The following PRKAG2 variants were observed in gnomAD, a reference collection of about 807,000 sequenced individuals.
The protein encoded by PRKAG2 is protein kinase AMP-activated non-catalytic subunit gamma 2.
PRKAG2 carries 26 observed loss-of-function variants against 69.6 expected under a neutral mutation model. The observed-to-expected ratio is 0.37, with a 90% CI of 0.27 to 0.52. PRKAG2 has a LOEUF of 0.52. Among genes scored for constraint, PRKAG2 ranks in the 20% least tolerant of loss-of-function variants. The pLI, the probability that PRKAG2 is intolerant of heterozygous loss-of-function variation, is 0.90. For synonymous variants in PRKAG2, 293 were observed against 285.0 expected (o/e 1.03, Z -0.28); for missense variants, 557 against 740.0 (o/e 0.75, Z 2.87).
rs10577353 is a variant in PRKAG2 at position 151,874,522 on chromosome 7, TATG to T, written c.114+1982_114+1984del. On this transcript the variant is annotated intron_variant, in intron 1 of 15. Transcript: ENST00000287878. The stretch of plus-strand genomic sequence containing the variant: ...TGTATATGATGTATATGTATATGTA[TATG>T]ATGTATATGTATATGTATATGTATA... 1.9e-3 allele frequency among the ~76,000 whole-genome samples: 167 copies of T among 86,068 alleles called. 16 individuals carry two copies. The highest frequency in any genetic ancestry group is 4.9e-3 in the African/African-American group (88 of 17,952). 56.5% of individuals were successfully genotyped at this position (86,068 alleles called of 152,430 possible). A position where few individuals can be genotyped will look rare whatever the true frequency, so the allele number is the denominator to read the frequency against.
chr7:151,875,315 GCACGTGTGGGCCGGAGTTTA>G (rs2080360427), intron 1 of PRKAG2, among the ~76,000 whole-genome samples: 1 of 152,178 alleles, frequency 6.6e-6, no homozygotes, highest in South Asian at 2.1e-4. Flanking sequence ...CAAGCGTTAG[GCACGTGTGGGCCGGAGTTTA>G]CACAGGAGGA....
chr7:151,689,835 C>T (rs552028931), intron 3 of PRKAG2, among the ~76,000 whole-genome samples: 7 of 152,276 alleles, frequency 4.6e-5, no homozygotes, highest in East Asian at 1.9e-4. Flanking sequence ...TCCAGACTGC[C>T]GCCTCTGCCC....
In PRKAG2 at chr7:151,669,880, A is replaced by ACCT. The variant is rs1563385310; in HGVS notation, c.684+5539_684+5540insAGG. On this transcript the variant is annotated intron_variant, in intron 4 of 15. Transcript: ENST00000287878. ...TGCATGCATACATACTTGCACACAC[A>ACCT]GTTGCATGCACACACACCTGCATGC... Among the ~76,000 whole-genome samples, 623 of 151,148 alleles carry ACCT rather than the reference A, an allele frequency of 4.1e-3. 4 individuals are homozygous for ACCT. The highest frequency in any genetic ancestry group is 0.017 in the Middle Eastern group (5 of 290).
intron 3 of PRKAG2, among the ~76,000 whole-genome samples, chr7:151,744,798 G>A (rs898186356): frequency 5.9e-5 from 9 of 152,110 alleles, no homozygotes; most frequent in African/African-American, 1.4e-4. Flanking sequence ...CAGCCCGGCC[G>A]ACCGAGAGAT....
intron 3 of PRKAG2, among the ~76,000 whole-genome samples, chr7:151,745,765 A>G (rs965601896): frequency 6.6e-6 from 1 of 152,334 alleles, no homozygotes; most frequent in African/African-American, 2.4e-5. Flanking sequence ...GCAGCACCCA[A>G]AGAGTAAGAA....
At chr7:151,785,487 T>C (rs12669420) in intron 2 of PRKAG2, among the ~76,000 whole-genome samples, 135,681 of 152,282 alleles carry the variant, frequency 0.89, 60,672 homozygotes, top group East Asian at 1. Flanking sequence ...CAGGGCAGGG[T>C]GGGGAGGGCA....
intron 3 of PRKAG2, chr7:151,736,315 G>A (rs11767633): frequency 0.4 from 465,400 of 1,149,422 alleles, 96,853 homozygotes; most frequent in Non-Finnish European, 0.42. Flanking sequence ...TGCCGGAAGC[G>A]CAAACAGAAC....
chr7:151,578,773 C>G lies in PRKAG2; in HGVS notation c.865-2321G>C, dbSNP rs535191816. Among the ~76,000 whole-genome samples, 5 of 152,232 alleles carry G rather than the reference C, an allele frequency of 3.3e-5. No homozygotes were observed. The South Asian group carries it at 6.2e-4, about 19-fold the overall frequency. ...GAAACACACCTTTATCAAAAAGGCA[C>G]CAAAATACACTGCTTTTGTAACTAA... is the stretch of plus-strand genomic sequence containing the variant. On this transcript the variant is annotated intron_variant, in intron 6 of 15. Transcript: ENST00000287878.
intron 5 of PRKAG2, among the ~76,000 whole-genome samples, chr7:151,619,736 G>A (rs61227882): frequency 0.049 from 7,509 of 152,158 alleles, 608 homozygotes; most frequent in African/African-American, 0.17. Context: ...TCAGAAAACC[G>A]GCTAGACGCG....
At chr7:151,631,705 G>A (rs1342366573) in intron 5 of PRKAG2, 3 of 460,348 alleles carry the variant, frequency 6.5e-6, no homozygotes, top group Non-Finnish European at 1.3e-5. Flanking sequence ...CTGTGGGTAT[G>A]ATTCGGGGTT....
chr7:151,698,925 C>G lies in PRKAG2; in HGVS notation c.467-23288G>C, dbSNP rs186290555. On this transcript the variant is annotated intron_variant, in intron 3 of 15. Coordinates refer to ENST00000287878, the MANE Select transcript of PRKAG2 (RefSeq NM_016203.4). ...GGCTCTTTGGACCACTCCAAGCCAC[C>G]CTGAGATGCCACGTGGAACCCTAGG... Among the ~76,000 whole-genome samples the G allele has an allele frequency of 1.6e-3, 248 of 152,268 alleles. 1 individual carries two copies. Among genetic ancestry groups the G allele is most frequent in the African/African-American group, 5.6e-3 (234 of 41,534 alleles).
At chr7:151,708,042 C>T (rs896621178) in intron 3 of PRKAG2, among the ~76,000 whole-genome samples, 3 of 152,308 alleles carry the variant, frequency 2.0e-5, no homozygotes, top group Admixed American at 6.5e-5. Flanking sequence ...TGTGAACTGG[C>T]CCCCGCTGTC....
intron 3 of PRKAG2, among the ~76,000 whole-genome samples, chr7:151,772,643 G>A (rs1180536252): frequency 1.3e-5 from 2 of 152,132 alleles, no homozygotes; most frequent in African/African-American, 2.4e-5. Context: ...ATGTTTTGGA[G>A]GTACATTACT....
chr7:151,632,023 C>T lies in PRKAG2; in HGVS notation c.754+46G>A, dbSNP rs1350773399. 2 of 1,260,362 alleles carry T rather than the reference C, an allele frequency of 1.6e-6. No individual in the cohort carries two copies. Among genetic ancestry groups the T allele is most frequent in the South Asian group, 2.3e-5 (1 of 43,994 alleles). The allele number at this position is 1,260,362 out of a possible 1,614,324, so 78.1% of individuals were successfully genotyped here. A position where few individuals can be genotyped will look rare whatever the true frequency, so the allele number is the denominator to read the frequency against. On this transcript the variant is annotated intron_variant, in intron 5 of 15. Coordinates refer to ENST00000287878, the MANE Select transcript of PRKAG2 (RefSeq NM_016203.4). The surrounding 1 kb of genome is among the most constrained non-coding windows in gnomAD (Gnocchi z 4.2). ...CCCGCGGGTCCCGGTCCTCGGGCGG[C>T]CGGGCCGTGGGAGCGCCGGGCCGGC... is the stretch of plus-strand genomic sequence containing the variant.
rs955374875 is a variant in PRKAG2 at position 151,699,930 on chromosome 7, G to A, written c.467-24293C>T. On this transcript the variant is annotated intron_variant, in intron 3 of 15. Transcript: ENST00000287878. The surrounding 1 kb of genome is among the most constrained non-coding windows in gnomAD (Gnocchi z 4.5). ...GGGGCAGTGCTCTGCTGCCACAGGC[G>A]GCCGCAGATGGGTGCCCCCACATTG... Among the ~76,000 whole-genome samples, 47 of 152,130 alleles carry A rather than the reference G, an allele frequency of 3.1e-4. No homozygotes were observed. The highest frequency in any genetic ancestry group is 6.2e-4 in the Non-Finnish European group (42 of 68,012).
intron 4 of PRKAG2, among the ~76,000 whole-genome samples, chr7:151,660,021 T>C (rs996836558): frequency 5.3e-5 from 8 of 152,210 alleles, no homozygotes; most frequent in African/African-American, 1.9e-4. Flanking sequence ...ATCATGCCAC[T>C]GTACTCCAGC....
chr7:151,710,913 T>A (rs1383026856), intron 3 of PRKAG2, among the ~76,000 whole-genome samples: 1 of 152,198 alleles, frequency 6.6e-6, no homozygotes, highest in Non-Finnish European at 1.5e-5. Flanking sequence ...TCCAGAGTAC[T>A]AAGAGTGCTA....
chr7:151,771,596 C>T lies in PRKAG2; in HGVS notation c.466+9556G>A, dbSNP rs992084300. Among the ~76,000 whole-genome samples the T allele has an allele frequency of 1.3e-5, 2 of 152,208 alleles. No individual in the cohort carries two copies. The highest frequency in any genetic ancestry group is 3.9e-4 in the East Asian group (2 of 5,192). On this transcript the variant is annotated intron_variant, in intron 3 of 15. Coordinates refer to ENST00000287878, the MANE Select transcript of PRKAG2 (RefSeq NM_016203.4). The surrounding 1 kb of genome is among the most constrained non-coding windows in gnomAD (Gnocchi z 4.0). ...ATATCACCTGAGGAGCCTGTTAAAA[C>T]TTTCGATTCCAAGACTCAGGCCATT...
chr7:151,565,709 AAC>A lies in PRKAG2; in HGVS notation c.1399+9_1399+10del. On this transcript the variant is annotated intron_variant, in intron 12 of 15. Transcript: ENST00000287878. ...CAATTATTTCTGCCTGTCAGCGCCA[AAC>A]ACACAAACCTGACTCATCCACAACA... is the stretch of plus-strand genomic sequence containing the variant. 2 of 1,611,606 alleles carry A rather than the reference AAC, an allele frequency of 1.2e-6. No individual in the cohort carries two copies. Among genetic ancestry groups the A allele is most frequent in the Non-Finnish European group, 1.7e-6 (2 of 1,177,682 alleles).
Sources: gnomAD v4.1 joint callset for allele counts (sites outside exome capture counted in the v4.1 genomes callset) on GRCh38, gnomAD v4.1.1 for gene constraint, Gnocchi (gnomAD v3.1) non-coding constraint, MANE v1.5 for transcripts, NCBI Gene and HGNC (gene_info 2026-07-23, HGNC 2026-07-21) for gene names.